The following SVEP1 variants were observed in gnomAD, a reference collection of about 807,000 sequenced individuals.
The protein encoded by SVEP1 is sushi, von Willebrand factor type A, EGF and pentraxin domain-containing protein 1.
Under a neutral mutation model 367.3 loss-of-function variants are expected in SVEP1, and 164 were observed. That is an observed-to-expected ratio of 0.45 (90% CI 0.39 to 0.51). The LOEUF (loss-of-function observed/expected upper bound fraction) is 0.51, where lower values mean the gene tolerates loss of function less well. SVEP1 is among the 20% of genes least tolerant of loss of function. SVEP1 has a pLI of 0.00. For missense variants in SVEP1, 4,117 were observed against 4,425.3 expected (o/e 0.93, Z 1.98); for synonymous variants, 1,666 against 1,611.6 (o/e 1.03, Z -0.81).
At chr9:110,423,168 T>TAAAAAA in intron 36 of SVEP1, among the ~76,000 whole-genome samples, 13 of 103,648 alleles carry the variant, frequency 1.3e-4, no homozygotes, top group East Asian at 5.0e-4. Flanking sequence ...AAAAATAAAG[T>TAAAAAA]AAAAAAAAAA....
At chr9:110,489,816 C>T (rs1395078675) in intron 8 of SVEP1, 37 bp from the exon 9 acceptor site, 9 of 1,578,032 alleles carry the variant, frequency 5.7e-6, no homozygotes, top group Non-Finnish European at 7.8e-6. Flanking sequence ...AAGTTAATGT[C>T]AAAAGTGCGT....
chr9:110,542,515 A>G (rs1830164193), intron 3 of SVEP1, among the ~76,000 whole-genome samples: 1 of 152,166 alleles, frequency 6.6e-6, no homozygotes, highest in Admixed American at 6.5e-5. Flanking sequence ...CATCCTTCAG[A>G]TCTCAGCTGT....
intron 3 of SVEP1, among the ~76,000 whole-genome samples, chr9:110,538,731 T>A (rs536319456): frequency 6.6e-6 from 1 of 152,174 alleles, no homozygotes; most frequent in African/African-American, 2.4e-5. Flanking sequence ...TGAAATATAG[T>A]CAATCTCTGC....
At chr9:110,479,320 T>C (rs533164534) in intron 13 of SVEP1, among the ~76,000 whole-genome samples, 1 of 152,316 alleles carries the variant, frequency 6.6e-6, no homozygotes, top group South Asian at 2.1e-4. Flanking sequence ...TATCTTCTTA[T>C]CATAAACAAA....
intron 16 of SVEP1, 107 bp from the exon 17 acceptor site, chr9:110,469,208 T>C (rs1229017479): frequency 1.0e-5 from 12 of 1,188,024 alleles, no homozygotes; most frequent in Non-Finnish European, 1.4e-5. Flanking sequence ...GAAGGTGCTA[T>C]TGTTTATGGG....
chr9:110,456,583 C>T (rs570925813), intron 21 of SVEP1, among the ~76,000 whole-genome samples: 1 of 152,160 alleles, frequency 6.6e-6, no homozygotes, highest in South Asian at 2.1e-4. Flanking sequence ...AATTCCTTTA[C>T]TTAAATACCA....
At chr9:110,528,622 G>A (rs1350460837) in intron 3 of SVEP1, among the ~76,000 whole-genome samples, 2 of 151,650 alleles carry the variant, frequency 1.3e-5, no homozygotes. Context: ...AAATGTCTAA[G>A]TTGATTGTCT....
At chr9:110,491,331 T>C (rs946973737) in intron 8 of SVEP1, among the ~76,000 whole-genome samples, 14 of 152,134 alleles carry the variant, frequency 9.2e-5, no homozygotes, top group South Asian at 4.1e-4. Flanking sequence ...ATAAATATTT[T>C]GCTTTTTAAA....
chr9:110,387,382 C>A lies in SVEP1; in HGVS notation c.9963G>T (p.Val3321=), dbSNP rs750188941. Residue 3321 remains valine, a synonymous_variant, in exon 42 of 48, where the codon GTG becomes GTT. Transcript: ENST00000374469. ...DIENRTTGPN[V]VYSCNRGYSL... ...TGTAGCCTCTGTTGCAGGAATATAC[C>A]ACGTTGGGTCCAGTCGTCCTGTTTT... 1 of 1,613,484 alleles carries A rather than the reference C, an allele frequency of 6.2e-7. No individual in the cohort carries two copies. Among genetic ancestry groups the A allele is most frequent in the African/African-American group, 1.3e-5 (1 of 74,874 alleles).
chr9:110,427,470 GCT>G (rs756154646), intron 36 of SVEP1, 119 bp downstream of exon 36: 1 of 1,177,238 alleles, frequency 8.5e-7, no homozygotes, highest in Non-Finnish European at 1.2e-6. Flanking sequence ...AAAGCATAAG[GCT>G]CTCTTTGTCT....
chr9:110,434,779 C>A (rs1025400091), intron 29 of SVEP1, among the ~76,000 whole-genome samples: 3 of 147,742 alleles, frequency 2.0e-5, no homozygotes, highest in African/African-American at 7.5e-5. Flanking sequence ...AATTCTAGGA[C>A]AGTCTAAGAA....
chr9:110,458,408 G>C lies in SVEP1; in HGVS notation c.3576+63C>G. 3.5e-6 allele frequency: 5 copies of C among 1,437,250 alleles called. No homozygotes were observed. In the South Asian group the frequency reaches 3.7e-5, roughly 11 times the overall value. 89.0% of individuals were successfully genotyped at this position (1,437,250 alleles called of 1,614,324 possible). ...CTGGTCCTTTTCCTGTGTGTGATGT[G>C]TAAAATGACAAATTGCTTTCCAAGC... On this transcript the variant is annotated intron_variant, in intron 20 of 47. Coordinates refer to ENST00000374469, the MANE Select transcript of SVEP1 (RefSeq NM_153366.4).
chr9:110,457,420 G>T, intron 20 of SVEP1, 68 bp from the exon 21 acceptor site: 2 of 1,286,286 alleles, frequency 1.6e-6, no homozygotes, highest in Non-Finnish European at 2.2e-6. Context: ...GTCCTGATTA[G>T]AGTCAGGTTT....
At chr9:110,520,807 T>C (rs550443035) in intron 3 of SVEP1, among the ~76,000 whole-genome samples, 1 of 152,222 alleles carries the variant, frequency 6.6e-6, no homozygotes, top group Non-Finnish European at 1.5e-5. Flanking sequence ...TTTATTTCCT[T>C]GCACAATTCA....
chr9:110,450,554 T>C (rs1238316718), intron 23 of SVEP1, among the ~76,000 whole-genome samples: 1 of 148,422 alleles, frequency 6.7e-6, no homozygotes, highest in Non-Finnish European at 1.5e-5. Context: ...ACTGCAACTT[T>C]CACCTCCTAG....
intron 28 of SVEP1, among the ~76,000 whole-genome samples, chr9:110,435,753 T>C (rs1286991664): frequency 2.0e-5 from 3 of 152,222 alleles, no homozygotes; most frequent in African/African-American, 7.2e-5. Context: ...TCTGTAGTAA[T>C]AAGAGCAAAC....
chr9:110,519,186 GTT>G (rs1829845348), intron 3 of SVEP1, among the ~76,000 whole-genome samples: 1 of 152,124 alleles, frequency 6.6e-6, no homozygotes. Flanking sequence ...TGTTGTTGTT[GTT>G]AGGATTAATT....
At chr9:110,508,569 G>A (rs1173473418) in intron 5 of SVEP1, among the ~76,000 whole-genome samples, 1 of 151,962 alleles carries the variant, frequency 6.6e-6, no homozygotes, top group African/African-American at 2.4e-5. Context: ...AGACCATCCT[G>A]GCGAACATGG....
intron 3 of SVEP1, among the ~76,000 whole-genome samples, chr9:110,515,927 AAG>A (rs1829793782): frequency 6.6e-6 from 1 of 151,966 alleles, no homozygotes; most frequent in African/African-American, 2.4e-5. Flanking sequence ...TGCAGATGGG[AAG>A]ACAAAGGCAC....
Sources: gnomAD v4.1 joint callset for allele counts (sites outside exome capture counted in the v4.1 genomes callset) on GRCh38, gnomAD v4.1.1 for gene constraint, MANE v1.5 for transcripts, NCBI Gene and HGNC (gene_info 2026-07-23, HGNC 2026-07-21) for gene names.